Variants in SCRN3 observed in about 807,000 individuals in gnomAD.
The protein encoded by SCRN3 is secernin 3.
Under a neutral mutation model 43.1 loss-of-function variants are expected in SCRN3, and 39 were observed. That is an observed-to-expected ratio of 0.91 (90% CI 0.70 to 1.18). The LOEUF is 1.18. SCRN3 is among the 50% of genes most tolerant of loss of function. The pLI is 0.00. For synonymous variants in SCRN3, 147 were observed against 163.1 expected, an observed-to-expected ratio of 0.90 and a Z score of 0.75; for missense variants, 484 against 498.0, an observed-to-expected ratio of 0.97 and a Z score of 0.27.
chr2:174,418,578 A>G (rs912528434), intron 5 of SCRN3, among the ~76,000 whole-genome samples: 1 of 152,192 alleles, frequency 6.6e-6, no homozygotes, highest in African/African-American at 2.4e-5. Flanking sequence ...TGGCTATCCC[A>G]CTCAAGTGAT....
At chr2:174,407,541 A>G (rs1685739087) in intron 5 of SCRN3, among the ~76,000 whole-genome samples, 1 of 14,992 alleles carries the variant, frequency 6.7e-5, no homozygotes. Context: ...AGTTCTTTTA[A>G]TTGTGATGTT....
rs1244187264 is a variant in SCRN3, at chr2:174,417,086, G to GC, written c.755-5799_755-5798insC. Among the ~76,000 whole-genome samples the GC allele has an allele frequency of 7.2e-5, 11 of 152,212 alleles. No homozygotes were observed. In the East Asian group the frequency reaches 2.1e-3, roughly 29 times the overall value. On this transcript the variant is annotated intron_variant, in intron 5 of 7. Coordinates refer to ENST00000272732, the MANE Select transcript of SCRN3 (RefSeq NM_024583.5). Reference sequence around the variant, plus strand: ...CTTTTTCCCCCATGTAGATAGATATGTAGAAAATGCTAAAGCATGTTATAC... The same window carrying GC: ...CTTTTTCCCCCATGTAGATAGATATGCTAGAAAATGCTAAAGCATGTTATAC...
chr2:174,400,003 A>C lies in SCRN3; in HGVS notation c.241A>C (p.Met81Leu). The C allele has an allele frequency of 6.3e-7, 1 of 1,599,352 alleles. No individual in the cohort carries two copies. The highest frequency in any genetic ancestry group is 8.5e-7 in the Non-Finnish European group (1 of 1,174,520). Residue 81 changes from methionine to leucine, a missense_variant, in exon 3 of 8, where the codon ATG (methionine) becomes CTG (leucine). Met to Leu is a conservative substitution (Grantham distance 15, BLOSUM62 2). Coordinates refer to ENST00000272732, the MANE Select transcript of SCRN3 (RefSeq NM_024583.5). ...CCCAGCGTGGTTGTGGGGGGCAGAA[A>C]TGGGAGCCAATGAGCATGGAGTTTG... The part of the protein sequence containing the change: ...SRPAWLWGAE[M>L]GANEHGVCIG...
intron 5 of SCRN3, among the ~76,000 whole-genome samples, chr2:174,406,870 A>G (rs1386367715): frequency 1.5e-5 from 2 of 131,988 alleles, no homozygotes; most frequent in Non-Finnish European, 3.4e-5. Context: ...ACAGTATTTT[A>G]TTGAGGATTT....
chr2:174,399,073 T>A (rs1685420272), intron 2 of SCRN3, among the ~76,000 whole-genome samples: 1 of 152,200 alleles, frequency 6.6e-6, no homozygotes, highest in Non-Finnish European at 1.5e-5. Context: ...TAAAGGATCC[T>A]TTAAAAACTT....
Position 174,401,060 on chromosome 2 carries a change from G to T in SCRN3, c.412G>T (p.Gly138Cys). 2 of 1,613,764 alleles carry T rather than the reference G, an allele frequency of 1.2e-6. No individual in the cohort carries two copies. Among genetic ancestry groups the T allele is most frequent in the Middle Eastern group, 1.7e-4 (1 of 6,054 alleles). ...CATTGTTGACTTACTAGAAAAATAT[G>T]GCCAGGGTGGAAATTGCACAGAGGG... The part of the protein sequence containing the change: ...NVIVDLLEKY[G>C]QGGNCTEGRM... The change falls in exon 4 of 8, where the codon GGC becomes TGC. Residue 138 changes from glycine (G) to cysteine (C), a missense_variant. Gly to Cys is a radical substitution (Grantham distance 159). Coordinates refer to ENST00000272732, the MANE Select transcript of SCRN3 (RefSeq NM_024583.5).
Position 174,423,049 on chromosome 2 carries a change from T to C in SCRN3, c.917+2T>C. On this transcript the variant is annotated splice_donor_variant, in intron 6 of 7. Transcript: ENST00000272732. LOFTEE classifies it high-confidence loss of function. ...TACAGGGACTCCTGATCCTGAGAGG[T>C]GAAGCCACAAAATACTATAAACCAG... 1 of 1,611,120 alleles carries C rather than the reference T, an allele frequency of 6.2e-7. No homozygotes were observed. The highest frequency in any genetic ancestry group is 8.5e-7 in the Non-Finnish European group (1 of 1,178,274).
chr2:174,424,703 C>A (rs2105630179), intron 7 of SCRN3, 54 bp downstream of exon 7: 1 of 1,434,446 alleles, frequency 7.0e-7, no homozygotes, highest in Non-Finnish European at 9.5e-7. Flanking sequence ...TAGATTCAAT[C>A]CGTATTTTGA....
At chr2:174,404,677 A>G (rs1484786911) in intron 5 of SCRN3, among the ~76,000 whole-genome samples, 7 of 123,408 alleles carry the variant, frequency 5.7e-5, no homozygotes, top group Admixed American at 5.1e-4. Flanking sequence ...TCATTGTTCA[A>G]TTCCCACCTA....
chr2:174,406,944 G>GT (rs1685718149), intron 5 of SCRN3, among the ~76,000 whole-genome samples: 1 of 97,054 alleles, frequency 1.0e-5, no homozygotes, highest in Non-Finnish European at 2.4e-5. Context: ...TCTCTGCCCA[G>GT]CTTTGGTATC....
chr2:174,397,131 G>A (rs1353967613), intron 1 of SCRN3: 2 of 975,816 alleles, frequency 2.0e-6, no homozygotes, highest in Non-Finnish European at 2.4e-6. Flanking sequence ...CAGACTTCTC[G>A]TCACTGAGGA....
At chr2:174,415,743 C>T (rs1319278846) in intron 5 of SCRN3, among the ~76,000 whole-genome samples, 1 of 152,194 alleles carries the variant, frequency 6.6e-6, no homozygotes. Flanking sequence ...CTCCTGGGTT[C>T]AAGCTATTCT....
intron 1 of SCRN3, chr2:174,396,050 C>G: frequency 1.6e-6 from 2 of 1,277,622 alleles, no homozygotes; most frequent in Non-Finnish European, 2.0e-6. Context: ...AAAAGCTTTT[C>G]TGCACTGTTT....
At chr2:174,396,193 A>G in intron 1 of SCRN3, 3 of 815,176 alleles carry the variant, frequency 3.7e-6, no homozygotes, top group Non-Finnish European at 4.6e-6. Flanking sequence ...ACAGCTCTGC[A>G]AGAACGGAGG....
intron 7 of SCRN3, among the ~76,000 whole-genome samples, chr2:174,426,902 A>G (rs1686503824): frequency 6.6e-6 from 1 of 151,450 alleles, no homozygotes; most frequent in Non-Finnish European, 1.5e-5. Flanking sequence ...GTGCGATCTC[A>G]GCTCACTGCA....
At chr2:174,404,522 T>G (rs1203076133) in intron 5 of SCRN3, among the ~76,000 whole-genome samples, 1 of 149,518 alleles carries the variant, frequency 6.7e-6, no homozygotes. Context: ...TAGTTACATA[T>G]GTATACATGT....
At chr2:174,427,356 G>A (rs549198894) in intron 7 of SCRN3, among the ~76,000 whole-genome samples, 1 of 152,180 alleles carries the variant, frequency 6.6e-6, no homozygotes. Context: ...AAATGTAAAA[G>A]ATCAAAATTG....
At chr2:174,419,683 C>G (rs994944302) in intron 5 of SCRN3, among the ~76,000 whole-genome samples, 1 of 152,178 alleles carries the variant, frequency 6.6e-6, no homozygotes, top group African/African-American at 2.4e-5. Context: ...GCCAGCTTGC[C>G]TGGCCTGTGT....
At chr2:174,415,284 G>T (rs1017171442) in intron 5 of SCRN3, among the ~76,000 whole-genome samples, 5 of 151,258 alleles carry the variant, frequency 3.3e-5, no homozygotes, top group Non-Finnish European at 7.4e-5. Context: ...AATTTTGTAG[G>T]CAAAATGGCA....
Sources: allele counts gnomAD v4.1 joint callset (sites outside exome capture counted in the v4.1 genomes callset), GRCh38; gene constraint gnomAD v4.1.1; transcripts MANE v1.5; gene names NCBI Gene and HGNC (gene_info 2026-07-23, HGNC 2026-07-21).